MAP2K5: variants seen among roughly 807,000 people sequenced by gnomAD.
MAP2K5 encodes the protein dual specificity mitogen-activated protein kinase kinase 5.
A neutral mutation model predicts 83.1 loss-of-function variants in MAP2K5; 49 were observed. That is an observed-to-expected ratio of 0.59 (90% confidence interval 0.47 to 0.75). The LOEUF (loss-of-function observed/expected upper bound fraction) is 0.75. Among genes scored for constraint, MAP2K5 ranks in the 30% least tolerant of loss-of-function variants. The probability of loss-of-function intolerance (pLI) is 0.00; values close to 1 mark genes in which losing one functional copy is unlikely to be tolerated. For missense variants in MAP2K5, 457 were observed against 557.5 expected, an observed-to-expected ratio of 0.82 and a Z score of 1.82; for synonymous variants, 202 against 191.8, an observed-to-expected ratio of 1.05 and a Z score of -0.44.
rs1444420676 is a variant in MAP2K5, at chr15:67,783,464, C to T, written c.1242+10712C>T. Among the ~76,000 whole-genome samples the T allele has an allele frequency of 6.6e-6, 1 of 152,176 alleles. No homozygotes were observed. The highest frequency in any genetic ancestry group is 1.5e-5 in the Non-Finnish European group (1 of 68,034). On this transcript the variant is annotated intron_variant, in intron 21 of 21. Coordinates refer to ENST00000178640, the MANE Select transcript of MAP2K5 (RefSeq NM_145160.3). This position sits in a 1 kb window ranked among gnomAD's most constrained non-coding sequence, Gnocchi z 5.1. Reference sequence around the variant, plus strand: ...CGCCAGATGGTGAACTTCTCCACCTCCGAAACCCAACTGGCACAACCTCTG... The same window carrying T: ...CGCCAGATGGTGAACTTCTCCACCTTCGAAACCCAACTGGCACAACCTCTG...
rs1318137475 is a variant in MAP2K5, at chr15:67,747,100, ACCCT to A, written c.1075-1130_1075-1127del. Among the ~76,000 whole-genome samples the A allele has an allele frequency of 2.6e-5, 4 of 152,162 alleles. No homozygotes were observed. The highest frequency in any genetic ancestry group is 5.9e-5 in the Non-Finnish European group (4 of 68,032). Reference sequence around the variant, plus strand: ...TCTGGAGGAGCCCCAGCACCACCACACCCTGGCGCTGAGGCCTCAGGCCCGGACA... The same window carrying A: ...TCTGGAGGAGCCCCAGCACCACCACAGGCGCTGAGGCCTCAGGCCCGGACA... On this transcript the variant is annotated intron_variant, in intron 17 of 21. Transcript: ENST00000178640. This position sits in a 1 kb window ranked among gnomAD's most constrained non-coding sequence, Gnocchi z 4.1.
intron 1 of MAP2K5, chr15:67,548,940 AAGACT>A: frequency 9.1e-7 from 1 of 1,093,440 alleles, no homozygotes; most frequent in Non-Finnish European, 1.2e-6. Context: ...CTATAGAGGC[AAGACT>A]ATTATGCAAA....
At chr15:67,667,586 T>A (rs1567347599) in intron 13 of MAP2K5, among the ~76,000 whole-genome samples, 1 of 152,108 alleles carries the variant, frequency 6.6e-6, no homozygotes, top group Non-Finnish European at 1.5e-5. Flanking sequence ...TCCTCCTTTG[T>A]CTTGGTCTAA....
rs778342219 is a variant in MAP2K5 at position 67,783,820 on chromosome 15, G to A, written c.1242+11068G>A. On this transcript the variant is annotated intron_variant, in intron 21 of 21. Coordinates refer to ENST00000178640, the MANE Select transcript of MAP2K5 (RefSeq NM_145160.3). The surrounding 1 kb of genome is among the most constrained non-coding windows in gnomAD (Gnocchi z 5.1). Reference sequence around the variant, plus strand: ...GAGTGACAGGTGAGCTGGGACCCACGGACATTTGGGTATTTATGTGAGTAT... The same window carrying A: ...GAGTGACAGGTGAGCTGGGACCCACAGACATTTGGGTATTTATGTGAGTAT... Among the ~76,000 whole-genome samples the A allele has an allele frequency of 6.6e-6, 1 of 152,136 alleles. No individual in the cohort carries two copies. The highest frequency in any genetic ancestry group is 1.5e-5 in the Non-Finnish European group (1 of 68,036).
chr15:67,740,504 A>G (rs1376073274), intron 17 of MAP2K5, among the ~76,000 whole-genome samples: 1 of 152,016 alleles, frequency 6.6e-6, no homozygotes, highest in Non-Finnish European at 1.5e-5. Flanking sequence ...AGGTGGGAGG[A>G]TCACTTGAGT....
At chr15:67,776,753 C>T (rs1028760403) in intron 21 of MAP2K5, among the ~76,000 whole-genome samples, 1 of 152,116 alleles carries the variant, frequency 6.6e-6, no homozygotes, top group African/African-American at 2.4e-5. Flanking sequence ...ACAAGGAATT[C>T]CTTCTGAGGA....
rs572202709 is a variant in MAP2K5 at position 67,785,780 on chromosome 15, G to A, written c.1242+13028G>A. Among the ~76,000 whole-genome samples, 1 of 152,340 alleles carries A rather than the reference G, an allele frequency of 6.6e-6. No homozygotes were observed. Among genetic ancestry groups the A allele is most frequent in the East Asian group, 1.9e-4 (1 of 5,186 alleles). On this transcript the variant is annotated intron_variant, in intron 21 of 21. Coordinates refer to ENST00000178640, the MANE Select transcript of MAP2K5 (RefSeq NM_145160.3). The surrounding 1 kb of genome is among the most constrained non-coding windows in gnomAD (Gnocchi z 4.4). ...TGTGCGTAAAGCCTGGAGAGGCTAA[G>A]GATGGTCTTTCAAAGCTTGCAAATC...
At position 67,563,167 on chromosome 15, in the gene MAP2K5, C is replaced by T. The variant is rs956012282; in HGVS notation, c.185-116C>T. On this transcript the variant is annotated intron_variant, in intron 2 of 21. Coordinates refer to ENST00000178640, the MANE Select transcript of MAP2K5 (RefSeq NM_145160.3). This position sits in a 1 kb window ranked among gnomAD's most constrained non-coding sequence, Gnocchi z 4.5. ...CAAACTAATAATGTCAACATACCCCCAAAATGTGGTGTTGAGGGTTAGAAT... is the reference window on the plus strand; with the variant it reads ...CAAACTAATAATGTCAACATACCCCTAAAATGTGGTGTTGAGGGTTAGAAT... 2.9e-5 allele frequency: 33 copies of T among 1,124,168 alleles called. No individual in the cohort carries two copies. In the African/African-American group the frequency reaches 3.6e-4, roughly 12 times the overall value. The allele number at this position is 1,124,168 out of a possible 1,614,324, so 69.6% of individuals were successfully genotyped here. A position where few individuals can be genotyped will look rare whatever the true frequency, so the allele number is the denominator to read the frequency against.
intron 17 of MAP2K5, among the ~76,000 whole-genome samples, chr15:67,743,608 T>G (rs1383249189): frequency 2.0e-5 from 3 of 152,230 alleles, no homozygotes; most frequent in Non-Finnish European, 4.4e-5. Context: ...AGGCAATGTA[T>G]ATAAAGCTTA....
chr15:67,593,052 A>T (rs531174203), intron 7 of MAP2K5, 78 bp downstream of exon 7: 1 of 907,650 alleles, frequency 1.1e-6, no homozygotes, highest in South Asian at 1.6e-5. Context: ...TAAGCTTATT[A>T]AACAGATAAA....
intron 19 of MAP2K5, among the ~76,000 whole-genome samples, chr15:67,762,370 C>T (rs764413862): frequency 3.9e-5 from 6 of 152,146 alleles, no homozygotes; most frequent in Non-Finnish European, 8.8e-5. Flanking sequence ...TGATGACCAA[C>T]AAGAGACCTA....
intron 8 of MAP2K5, among the ~76,000 whole-genome samples, chr15:67,605,399 G>T (rs1412010080): frequency 6.6e-6 from 1 of 152,110 alleles, no homozygotes; most frequent in Non-Finnish European, 1.5e-5. Context: ...TTATAGTTGT[G>T]TTGAACTAAC....
chr15:67,652,883 G>T lies in MAP2K5; in HGVS notation c.737-5670G>T, dbSNP rs967293878. On this transcript the variant is annotated intron_variant, in intron 11 of 21. Coordinates refer to ENST00000178640, the MANE Select transcript of MAP2K5 (RefSeq NM_145160.3). The surrounding 1 kb of genome is among the most constrained non-coding windows in gnomAD (Gnocchi z 4.2). The stretch of plus-strand genomic sequence containing the variant: ...TACCTCATATAATTGGAATCACACA[G>T]TATTTGTCTTATTGTGTCTGGCTTA... 6.6e-6 allele frequency among the ~76,000 whole-genome samples: 1 copy of T among 152,134 alleles called. No homozygotes were observed. Among genetic ancestry groups the T allele is most frequent in the Non-Finnish European group, 1.5e-5 (1 of 68,028 alleles).
chr15:67,554,046 AATACTT>A (rs2084571965), intron 2 of MAP2K5, among the ~76,000 whole-genome samples: 1 of 152,176 alleles, frequency 6.6e-6, no homozygotes, highest in East Asian at 1.9e-4. Context: ...TAATAAAAGA[AATACTT>A]ATAGTAATAC....
chr15:67,737,409 C>T (rs1375201381), intron 17 of MAP2K5, among the ~76,000 whole-genome samples: 1 of 152,138 alleles, frequency 6.6e-6, no homozygotes, highest in Non-Finnish European at 1.5e-5. Flanking sequence ...CCTGGCCGAG[C>T]TTTGTTTGAG....
Position 67,806,803 on chromosome 15 carries a change from A to G in MAP2K5, c.*53A>G. The G allele has an allele frequency of 6.3e-7, 1 of 1,596,778 alleles. No individual in the cohort carries two copies. The highest frequency in any genetic ancestry group is 1.1e-5 in the South Asian group (1 of 90,074). ...GACCAGTAACCAAGGAGAACAACCC[A>G]CCCGTCGCCCTTCTCCGTATGCTGC... On this transcript the variant is annotated 3_prime_UTR_variant, in exon 22 of 22. Transcript: ENST00000178640.
At chr15:67,692,204 T>C (rs559172276) in intron 13 of MAP2K5, among the ~76,000 whole-genome samples, 2 of 152,360 alleles carry the variant, frequency 1.3e-5, no homozygotes, top group African/African-American at 4.8e-5. Context: ...TGGGTGTATT[T>C]ACTGTTGTTG....
intron 8 of MAP2K5, chr15:67,627,807 G>A (rs528771577): frequency 2.7e-5 from 10 of 363,668 alleles, no homozygotes; most frequent in African/African-American, 1.7e-4. Context: ...GCTCGTGGAC[G>A]CCACAGAGGA....
chr15:67,574,801 A>G (rs1382880417), intron 3 of MAP2K5, among the ~76,000 whole-genome samples: 1 of 152,100 alleles, frequency 6.6e-6, no homozygotes, highest in Non-Finnish European at 1.5e-5. Context: ...TGGGAGGCGG[A>G]TGTTGCACTG....
Sources: allele counts gnomAD v4.1 joint callset (sites outside exome capture counted in the v4.1 genomes callset), GRCh38; gene constraint gnomAD v4.1.1; non-coding constraint Gnocchi (gnomAD v3.1); transcripts MANE v1.5; gene names NCBI Gene and HGNC (gene_info 2026-07-23, HGNC 2026-07-21).